LPP: variants seen among roughly 807,000 people sequenced by gnomAD.
The protein encoded by LPP is LIM domain containing preferred translocation partner in lipoma, also known as lipoma-preferred partner.
LPP carries 38 observed loss-of-function variants against 60.4 expected under a neutral mutation model. The ratio of observed to expected loss-of-function variants is 0.63; its 90% CI spans 0.49 to 0.83. The LOEUF (loss-of-function observed/expected upper bound fraction) is 0.83, where lower values mean the gene tolerates loss of function less well. LPP is among the 40% of genes least tolerant of loss of function. The pLI is 0.00. For synonymous variants in LPP, 328 were observed against 290.8 expected (o/e 1.13, Z -1.30); for missense variants, 902 against 783.6 (o/e 1.15, Z -1.80).
At chr3:188,623,009 CAGAG>C (rs1846077727) in intron 7 of LPP, among the ~76,000 whole-genome samples, 2 of 131,610 alleles carry the variant, frequency 1.5e-5, no homozygotes, top group Non-Finnish European at 3.1e-5. Context: ...GCCTGGGTGA[CAGAG>C]AGAGACTCCA....
In LPP at chr3:188,889,633, A is replaced by G; in HGVS notation, c.*15154A>G. The G allele has an allele frequency of 4.4e-6, 1 of 225,820 alleles. No homozygotes were observed. Among genetic ancestry groups the G allele is most frequent in the East Asian group, 6.4e-5 (1 of 15,670 alleles). The allele number at this position is 225,820 out of a possible 1,614,324, so 14.0% of individuals were successfully genotyped here. A position where few individuals can be genotyped will look rare whatever the true frequency, so the allele number is the denominator to read the frequency against. On this transcript the variant is annotated 3_prime_UTR_variant, in exon 12 of 12. Coordinates refer to ENST00000617246, the MANE Select transcript of LPP (RefSeq NM_001375462.1). ...AAATGGAAGTAAAAGGGGACAAACT[A>G]TGGAAGATGGACTCCATGCCATTGC...
At chr3:188,772,998 G>A (rs1171808184) in intron 9 of LPP, among the ~76,000 whole-genome samples, 2 of 152,164 alleles carry the variant, frequency 1.3e-5, no homozygotes, top group Admixed American at 1.3e-4. Context: ...ATCAAAGATT[G>A]AAGGGAAAGA....
chr3:188,812,560 G>C (rs751743506), intron 9 of LPP, among the ~76,000 whole-genome samples: 3 of 152,076 alleles, frequency 2.0e-5, no homozygotes, highest in Non-Finnish European at 2.9e-5. Flanking sequence ...CCCTTCTCTT[G>C]TGCATATTGA....
intron 6 of LPP, among the ~76,000 whole-genome samples, chr3:188,600,714 C>T (rs1036302115): frequency 6.6e-6 from 1 of 152,058 alleles, no homozygotes; most frequent in African/African-American, 2.4e-5. Flanking sequence ...TACATTCTTC[C>T]TTCTCCCATC....
intron 4 of LPP, among the ~76,000 whole-genome samples, chr3:188,460,358 C>T (rs564888703): frequency 7.2e-5 from 11 of 152,272 alleles, no homozygotes; most frequent in East Asian, 1.9e-4. Context: ...AAGATAATCA[C>T]GTATTCTCTG....
At chr3:188,755,637 G>A (rs1345045932) in intron 8 of LPP, among the ~76,000 whole-genome samples, 1 of 151,554 alleles carries the variant, frequency 6.6e-6, no homozygotes, top group African/African-American at 2.4e-5. Flanking sequence ...GACCCTATCT[G>A]TACAGGAAAA....
intron 9 of LPP, among the ~76,000 whole-genome samples, chr3:188,782,565 T>A (rs941178949): frequency 1.3e-5 from 2 of 152,178 alleles, no homozygotes; most frequent in African/African-American, 4.8e-5. Context: ...AAATGCTAAC[T>A]GTGACTATAG....
chr3:188,825,247 T>TC (rs1755074328), intron 9 of LPP, among the ~76,000 whole-genome samples: 2 of 118,436 alleles, frequency 1.7e-5, no homozygotes, highest in East Asian at 2.8e-4. Context: ...CAGCCTTTCT[T>TC]TCTCTCTCTC....
chr3:188,722,192 A>G (rs1716691809), intron 8 of LPP, among the ~76,000 whole-genome samples: 1 of 152,174 alleles, frequency 6.6e-6, no homozygotes, highest in Non-Finnish European at 1.5e-5. Context: ...TAAAAGTGGA[A>G]TAGGATGTTG....
In LPP at chr3:188,881,196, G is replaced by A. The variant is rs911533841; in HGVS notation, c.*6717G>A. The A allele has an allele frequency of 2.5e-5, 4 of 161,196 alleles. No homozygotes were observed. The highest frequency in any genetic ancestry group is 4.0e-5 in the Non-Finnish European group (3 of 75,722). The allele number at this position is 161,196 out of a possible 1,614,324, so 10.0% of individuals were successfully genotyped here. A position where few individuals can be genotyped will look rare whatever the true frequency, so the allele number is the denominator to read the frequency against. On this transcript the variant is annotated 3_prime_UTR_variant, in exon 12 of 12. Coordinates refer to ENST00000617246, the MANE Select transcript of LPP (RefSeq NM_001375462.1). ...CCTTTTAAAGATCTGAATCTTCTCT[G>A]TTATTTTCCTGATGAATCACCATCC...
At chr3:188,223,019 GT>G (rs1716381610) in intron 1 of LPP, among the ~76,000 whole-genome samples, 1 of 152,194 alleles carries the variant, frequency 6.6e-6, no homozygotes, top group Non-Finnish European at 1.5e-5. Flanking sequence ...GGAGCTGGGA[GT>G]TTGGAATAAT....
At chr3:188,159,626 A>G (rs1263086742) in intron 1 of LPP, among the ~76,000 whole-genome samples, 1 of 152,190 alleles carries the variant, frequency 6.6e-6, no homozygotes, top group Non-Finnish European at 1.5e-5. Context: ...GAGAGGGAGT[A>G]AAATAGTTCA....
At chr3:188,745,399 G>T (rs1218463908) in intron 8 of LPP, among the ~76,000 whole-genome samples, 1 of 152,102 alleles carries the variant, frequency 6.6e-6, no homozygotes, top group African/African-American at 2.4e-5. Flanking sequence ...AATCTTACAG[G>T]AAGTTACATA....
chr3:188,524,899 CCTTCCTTCCTTCCT>C, intron 6 of LPP, 112 bp downstream of exon 6: 2 of 186,096 alleles, frequency 1.1e-5, no homozygotes, highest in East Asian at 8.4e-5. Context: ...TTCCGTCCGT[CCTTCCTTCCTTCCT>C]TCCTTCCTTC....
intron 7 of LPP, among the ~76,000 whole-genome samples, chr3:188,617,511 G>A (rs909377601): frequency 7.9e-5 from 12 of 152,082 alleles, no homozygotes; most frequent in Non-Finnish European, 1.2e-4. Context: ...AAATGGTTCC[G>A]ATTCTGGTGC....
intron 2 of LPP, among the ~76,000 whole-genome samples, chr3:188,263,102 C>A (rs1193980615): frequency 6.6e-6 from 1 of 152,182 alleles, no homozygotes; most frequent in Non-Finnish European, 1.5e-5. Context: ...TGACTGCAGC[C>A]ATGCCATCCC....
intron 6 of LPP, among the ~76,000 whole-genome samples, chr3:188,593,991 A>G (rs1253880429): frequency 6.6e-6 from 1 of 152,166 alleles, no homozygotes; most frequent in African/African-American, 2.4e-5. Context: ...AATGGTAAGT[A>G]GAGCTCTATG....
chr3:188,402,395 GT>G (rs1301531697), intron 3 of LPP, among the ~76,000 whole-genome samples: 3 of 152,156 alleles, frequency 2.0e-5, no homozygotes, highest in Admixed American at 6.5e-5. Context: ...GGTTCAATAT[GT>G]AGACTTTATC....
In LPP at chr3:188,889,108, A is replaced by G; in HGVS notation, c.*14629A>G. ...CTCTCAGGCTAACATGAGAGAAAATAGAAAAGTCTTGGCTGTGGGGATTGG... is the reference window on the plus strand; with the variant it reads ...CTCTCAGGCTAACATGAGAGAAAATGGAAAAGTCTTGGCTGTGGGGATTGG... On this transcript the variant is annotated 3_prime_UTR_variant, in exon 12 of 12. Coordinates refer to ENST00000617246, the MANE Select transcript of LPP (RefSeq NM_001375462.1). The G allele has an allele frequency of 4.4e-6, 1 of 227,026 alleles. No individual in the cohort carries two copies. The highest frequency in any genetic ancestry group is 1.3e-3 in the Middle Eastern group (1 of 750). 14.1% of individuals were successfully genotyped at this position (227,026 alleles called of 1,614,324 possible).
Sources: gnomAD v4.1 joint callset for allele counts (sites outside exome capture counted in the v4.1 genomes callset) on GRCh38, gnomAD v4.1.1 for gene constraint, MANE v1.5 for transcripts, NCBI Gene and HGNC (gene_info 2026-07-23, HGNC 2026-07-21) for gene names.